Variants in NEK1 observed in about 807,000 individuals in gnomAD.
NEK1 encodes the protein serine/threonine-protein kinase Nek1.
Under a neutral mutation model 182.1 loss-of-function variants are expected in NEK1, and 137 were observed. The observed-to-expected ratio is 0.75, with a 90% CI of 0.65 to 0.87. NEK1 has a LOEUF of 0.87. Ranked by LOEUF, NEK1 falls within the 40% of genes least tolerant of loss-of-function variation. NEK1 has a pLI of 0.00. For missense variants in NEK1, 1,391 were observed against 1,494.4 expected (o/e 0.93, Z 1.14); for synonymous variants, 513 against 492.2 (o/e 1.04, Z -0.56).
chr4:169,427,078 T>C (rs932179646), intron 29 of NEK1, among the ~76,000 whole-genome samples: 4 of 152,198 alleles, frequency 2.6e-5, no homozygotes, highest in Non-Finnish European at 5.9e-5. Flanking sequence ...GGTAAGTTTT[T>C]ATTTTCTAAA....
chr4:169,399,555 C>T (rs1731290207), intron 35 of NEK1, among the ~76,000 whole-genome samples: 2 of 144,932 alleles, frequency 1.4e-5, no homozygotes, highest in African/African-American at 5.1e-5. Context: ...CCAGCCTGGG[C>T]AATAAGACTC....
intron 27 of NEK1, among the ~76,000 whole-genome samples, chr4:169,445,710 A>G (rs1006455726): frequency 6.6e-6 from 1 of 151,830 alleles, no homozygotes; most frequent in Non-Finnish European, 1.5e-5. Flanking sequence ...GCAAAAAAAA[A>G]CAAAACAAAA....
intron 16 of NEK1, among the ~76,000 whole-genome samples, chr4:169,559,747 C>T (rs1264463101): frequency 2.6e-5 from 4 of 152,122 alleles, no homozygotes; most frequent in African/African-American, 2.4e-5. Context: ...CGGTGACTCA[C>T]GCCTGTAATC....
intron 18 of NEK1, among the ~76,000 whole-genome samples, chr4:169,546,654 T>G (rs1447289401): frequency 6.6e-6 from 1 of 152,240 alleles, no homozygotes; most frequent in Admixed American, 6.5e-5. Flanking sequence ...TGAATCTGGG[T>G]GCTCCTGTAT....
chr4:169,400,660 CAAAATT>C lies in NEK1; in HGVS notation c.3584-15_3584-10del, dbSNP rs1197020317. Reference sequence around the variant, plus strand: ...TTCACCATCACTGTTATCTAAAAAACAAAATTAAAATAGAGATTTGATTTAAAAAGA... The same window carrying C: ...TTCACCATCACTGTTATCTAAAAAACAAAATAGAGATTTGATTTAAAAAGA... On this transcript the variant is annotated splice_polypyrimidine_tract_variant and intron_variant, in intron 33 of 35. Coordinates refer to ENST00000507142, the MANE Select transcript of NEK1 (RefSeq NM_001199397.3). The C allele has an allele frequency of 1.3e-6, 2 of 1,554,888 alleles. No individual in the cohort carries two copies. The highest frequency in any genetic ancestry group is 1.4e-5 in the African/African-American group (1 of 73,372).
chr4:169,494,116 T>A (rs1321007387), intron 23 of NEK1, among the ~76,000 whole-genome samples: 1 of 150,834 alleles, frequency 6.6e-6, no homozygotes, highest in Non-Finnish European at 1.5e-5. Context: ...TTTTTTTTTA[T>A]ACTTTAAGTT....
intron 5 of NEK1, among the ~76,000 whole-genome samples, chr4:169,594,595 A>T (rs896531958): frequency 1.3e-5 from 2 of 152,152 alleles, no homozygotes; most frequent in Admixed American, 1.3e-4. Flanking sequence ...GATCCTTATA[A>T]TTTTATTTCC....
chr4:169,471,927 T>G (rs1469218178), intron 26 of NEK1, among the ~76,000 whole-genome samples: 1 of 152,022 alleles, frequency 6.6e-6, no homozygotes, highest in Non-Finnish European at 1.5e-5. Context: ...TCAGCTTTGT[T>G]TACAAAGCCT....
intron 19 of NEK1, among the ~76,000 whole-genome samples, chr4:169,527,419 C>A (rs1408576410): frequency 6.6e-6 from 1 of 152,076 alleles, no homozygotes; most frequent in Non-Finnish European, 1.5e-5. Flanking sequence ...TATTCCTTTT[C>A]TCTGTTATTA....
At chr4:169,396,942 A>G (rs1730821418) in intron 35 of NEK1, among the ~76,000 whole-genome samples, 1 of 152,116 alleles carries the variant, frequency 6.6e-6, no homozygotes, top group African/African-American at 2.4e-5. Context: ...TATCTCTAAG[A>G]CAGGTAGGCT....
At chr4:169,592,089 C>T (rs866484003) in intron 5 of NEK1, among the ~76,000 whole-genome samples, 36 of 151,560 alleles carry the variant, frequency 2.4e-4, no homozygotes, top group Admixed American at 6.6e-4. Flanking sequence ...TGAAATAATA[C>T]ATACTGTATG....
At chr4:169,430,857 G>A (rs1737292634) in intron 29 of NEK1, among the ~76,000 whole-genome samples, 1 of 151,674 alleles carries the variant, frequency 6.6e-6, no homozygotes, top group African/African-American at 2.4e-5. Flanking sequence ...AAAAATTGTT[G>A]GGGGTGGGGA....
rs35743529 is a variant in NEK1 at position 169,400,920 on chromosome 4, T to TAA, written c.3584-271_3584-270dup. On this transcript the variant is annotated intron_variant, in intron 33 of 35. Transcript: ENST00000507142. ...AACACTCCTAGAGATGTTACTTAAA[T>TAA]AAAAAAAAAAAAGTGGAAAAAGCAC... Among the ~76,000 whole-genome samples, 610 of 146,440 alleles carry TAA rather than the reference T, an allele frequency of 4.2e-3. 6 individuals carry two copies. Among genetic ancestry groups the TAA allele is most frequent in the African/African-American group, 0.012 (489 of 40,064 alleles).
chr4:169,467,345 T>C, intron 26 of NEK1, among the ~76,000 whole-genome samples: 1 of 152,094 alleles, frequency 6.6e-6, no homozygotes, highest in Admixed American at 6.6e-5. Context: ...CTGTATATTA[T>C]TGTAATAATC....
intron 11 of NEK1, among the ~76,000 whole-genome samples, chr4:169,579,608 G>A (rs1766267979): frequency 6.6e-6 from 1 of 152,118 alleles, no homozygotes; most frequent in Non-Finnish European, 1.5e-5. Flanking sequence ...GGCCAACAGG[G>A]TGAAACCCTG....
chr4:169,545,591 G>A (rs1760288950), intron 18 of NEK1, among the ~76,000 whole-genome samples: 1 of 148,070 alleles, frequency 6.8e-6, no homozygotes, highest in African/African-American at 2.5e-5. Flanking sequence ...GGGTCAAATG[G>A]TATTTCTAGT....
At chr4:169,607,808 A>G (rs1771631538) in intron 2 of NEK1, among the ~76,000 whole-genome samples, 1 of 152,122 alleles carries the variant, frequency 6.6e-6, no homozygotes, top group African/African-American at 2.4e-5. Context: ...CTACAATATA[A>G]AATATCTGAA....
chr4:169,403,566 T>C (rs986373083), intron 32 of NEK1, among the ~76,000 whole-genome samples: 3 of 151,848 alleles, frequency 2.0e-5, no homozygotes, highest in Admixed American at 6.6e-5. Flanking sequence ...TGAGACCCTA[T>C]CTCCCCCAAA....
chr4:169,477,085 C>A (rs779740002), intron 26 of NEK1, 39 bp downstream of exon 26: 56 of 1,397,820 alleles, frequency 4.0e-5, no homozygotes, highest in Middle Eastern at 1.8e-4. Context: ...TACATATGTA[C>A]TAGACCTAAA....
Sources: gnomAD v4.1 joint callset for allele counts (sites outside exome capture counted in the v4.1 genomes callset) on GRCh38, gnomAD v4.1.1 for gene constraint, MANE v1.5 for transcripts, NCBI Gene and HGNC (gene_info 2026-07-23, HGNC 2026-07-21) for gene names.